Variants in ZRANB3 observed in about 807,000 individuals in gnomAD.
ZRANB3 encodes the protein DNA annealing helicase and endonuclease ZRANB3.
Under a neutral mutation model 133.8 loss-of-function variants are expected in ZRANB3, and 125 were observed. The ratio of observed to expected loss-of-function variants is 0.93; its 90% CI spans 0.81 to 1.08. The LOEUF is 1.08. ZRANB3 is among the 50% of genes least tolerant of loss of function. ZRANB3 has a pLI of 0.00. For missense variants in ZRANB3, 1,229 were observed against 1,275.5 expected (o/e 0.96, Z 0.56); for synonymous variants, 387 against 432.7 (o/e 0.89, Z 1.31).
intron 8 of ZRANB3, among the ~76,000 whole-genome samples, chr2:135,298,258 T>C (rs192703109): frequency 9.2e-5 from 14 of 152,212 alleles, no homozygotes; most frequent in African/African-American, 3.4e-4. Flanking sequence ...TAAGTTGGTT[T>C]TTACCTTTCT....
intron 3 of ZRANB3, among the ~76,000 whole-genome samples, chr2:135,383,234 CA>C (rs1686807019): frequency 6.6e-6 from 1 of 151,924 alleles, no homozygotes; most frequent in South Asian, 2.1e-4. Context: ...CAACAAAGAT[CA>C]AAAGAGACAA....
chr2:135,476,931 G>C (rs1171587396), intron 2 of ZRANB3, among the ~76,000 whole-genome samples: 1 of 151,974 alleles, frequency 6.6e-6, no homozygotes, highest in Non-Finnish European at 1.5e-5. Context: ...ATGTTGCCCA[G>C]ACTGGTCTCA....
chr2:135,326,021 A>C (rs76018308), intron 6 of ZRANB3, among the ~76,000 whole-genome samples: 1 of 152,178 alleles, frequency 6.6e-6, no homozygotes, highest in Non-Finnish European at 1.5e-5. Flanking sequence ...AAAACAAGGA[A>C]ATAAAAGAGA....
At chr2:135,231,113 T>A (rs1694993535) in intron 12 of ZRANB3, among the ~76,000 whole-genome samples, 186 bp from the exon 13 acceptor site, 1 of 152,084 alleles carries the variant, frequency 6.6e-6, no homozygotes, top group Non-Finnish European at 1.5e-5. Context: ...GTAAAACATA[T>A]CCATGTACTT....
At chr2:135,510,415 G>A (rs1693400896) in intron 1 of ZRANB3, 1 of 351,988 alleles carries the variant, frequency 2.8e-6, no homozygotes, top group African/African-American at 2.1e-5. Context: ...CACAAAAGAA[G>A]TAAAATTATA....
intron 3 of ZRANB3, among the ~76,000 whole-genome samples, chr2:135,354,751 G>T (rs1247827394): frequency 6.6e-6 from 1 of 152,196 alleles, no homozygotes; most frequent in Non-Finnish European, 1.5e-5. Context: ...CAGCAGATCC[G>T]TGGTTGCCAG....
chr2:135,346,686 A>G (rs1197566776), intron 5 of ZRANB3, among the ~76,000 whole-genome samples: 1 of 152,166 alleles, frequency 6.6e-6, no homozygotes, highest in East Asian at 1.9e-4. Context: ...TTACACTCCC[A>G]TCAATAGTAT....
At chr2:135,452,614 A>C (rs1327705270) in intron 2 of ZRANB3, among the ~76,000 whole-genome samples, 1 of 152,164 alleles carries the variant, frequency 6.6e-6, no homozygotes, top group Non-Finnish European at 1.5e-5. Context: ...GCCAAAATAA[A>C]GGGGTTGTAG....
intron 8 of ZRANB3, among the ~76,000 whole-genome samples, chr2:135,296,267 T>G (rs1462744138): frequency 1.3e-5 from 2 of 152,350 alleles, no homozygotes; most frequent in East Asian, 3.9e-4. Flanking sequence ...GTTGGAGGCT[T>G]TGTTCATTTC....
intron 8 of ZRANB3, among the ~76,000 whole-genome samples, chr2:135,292,986 T>C (rs1681840149): frequency 6.6e-6 from 1 of 152,108 alleles, no homozygotes; most frequent in Non-Finnish European, 1.5e-5. Context: ...CATGCTGTTT[T>C]GGTTACTGTA....
chr2:135,355,393 C>T (rs980852341), intron 3 of ZRANB3: 11 of 491,022 alleles, frequency 2.2e-5, no homozygotes, highest in Non-Finnish European at 2.9e-5. Flanking sequence ...CGGAGTTTCA[C>T]TCTTGTTGCC....
chr2:135,301,064 G>A (rs1216756598), intron 8 of ZRANB3, among the ~76,000 whole-genome samples: 1 of 152,092 alleles, frequency 6.6e-6, no homozygotes, highest in Non-Finnish European at 1.5e-5. Flanking sequence ...AGGCTAGAAT[G>A]CAGTGGCACG....
At chr2:135,326,418 A>C (rs536529758) in intron 6 of ZRANB3, among the ~76,000 whole-genome samples, 1 of 152,284 alleles carries the variant, frequency 6.6e-6, no homozygotes. Context: ...TTTAAGGTAT[A>C]ATAATGGTAT....
chr2:135,459,395 T>C (rs1033211811), intron 2 of ZRANB3, among the ~76,000 whole-genome samples: 2 of 152,128 alleles, frequency 1.3e-5, no homozygotes, highest in African/African-American at 4.8e-5. Context: ...CTAGTAAAAT[T>C]TGAAGCTCAA....
chr2:135,228,327 TC>T (rs1341773139), intron 13 of ZRANB3: 1 of 208,190 alleles, frequency 4.8e-6, no homozygotes, highest in Non-Finnish European at 9.5e-6. Flanking sequence ...TTTTTTTTTT[TC>T]AGTAAGAAGG....
intron 2 of ZRANB3, among the ~76,000 whole-genome samples, chr2:135,480,581 C>G (rs1559026967): frequency 6.6e-6 from 1 of 151,744 alleles, no homozygotes; most frequent in Non-Finnish European, 1.5e-5. Context: ...TTTGCAAAAG[C>G]CTTAAATACT....
chr2:135,481,092 T>C (rs1442036436), intron 2 of ZRANB3, among the ~76,000 whole-genome samples: 11 of 152,068 alleles, frequency 7.2e-5, no homozygotes. Flanking sequence ...CATGTGTCTT[T>C]ATAGCAGCAT....
At position 135,345,574 on chromosome 2, in the gene ZRANB3, T is replaced by A; in HGVS notation, c.653A>T (p.Lys218Ile). ...QKFGRWTDYA[K>I]RYCNAHIRYF... ...CCTGATGTGTGCATTACAGTATCTTTTTGCATAGTCGGTCCATCTTCCAAA... is the reference window on the plus strand; with the variant it reads ...CCTGATGTGTGCATTACAGTATCTTATTGCATAGTCGGTCCATCTTCCAAA... The change falls in exon 6 of 21, where the codon AAA (lysine) becomes ATA (isoleucine). Residue 218 changes from lysine (K) to isoleucine (I), a missense_variant. Coordinates refer to ENST00000264159, the MANE Select transcript of ZRANB3 (RefSeq NM_032143.4). 1 of 1,612,734 alleles carries A rather than the reference T, an allele frequency of 6.2e-7. No homozygotes were observed. The highest frequency in any genetic ancestry group is 8.5e-7 in the Non-Finnish European group (1 of 1,179,320).
intron 2 of ZRANB3, among the ~76,000 whole-genome samples, chr2:135,407,655 C>A (rs965310218): frequency 2.0e-5 from 3 of 151,744 alleles, no homozygotes; most frequent in African/African-American, 7.3e-5. Flanking sequence ...ACAGAGACCT[C>A]AGAAATAATG....
Sources: gnomAD v4.1 joint callset for allele counts (sites outside exome capture counted in the v4.1 genomes callset) on GRCh38, gnomAD v4.1.1 for gene constraint, MANE v1.5 for transcripts, NCBI Gene and HGNC (gene_info 2026-07-23, HGNC 2026-07-21) for gene names.